L3MBTL4: variants seen among roughly 807,000 people sequenced by gnomAD.
The protein encoded by L3MBTL4 is L3MBTL histone methyl-lysine binding protein 4, also known as lethal(3)malignant brain tumor-like protein 4.
L3MBTL4 carries 70 observed loss-of-function variants against 84.5 expected under a neutral mutation model. The observed-to-expected ratio is 0.83, with a 90% CI of 0.68 to 1.01. L3MBTL4 has a LOEUF of 1.01. Among genes scored for constraint, L3MBTL4 ranks in the 50% least tolerant of loss-of-function variants. The pLI, the probability that L3MBTL4 is intolerant of heterozygous loss-of-function variation, is 0.00. For missense variants in L3MBTL4, 715 were observed against 754.8 expected, an observed-to-expected ratio of 0.95 and a Z score of 0.62; for synonymous variants, 274 against 259.8, an observed-to-expected ratio of 1.05 and a Z score of -0.52.
intron 1 of L3MBTL4, among the ~76,000 whole-genome samples, chr18:6,329,361 G>A (rs1007852310): frequency 1.3e-5 from 2 of 151,650 alleles, no homozygotes; most frequent in African/African-American, 4.8e-5. Flanking sequence ...CATCCTGTTA[G>A]CCAGGATGGT....
At chr18:5,973,180 C>T (rs541486805) in intron 16 of L3MBTL4, among the ~76,000 whole-genome samples, 20 of 152,296 alleles carry the variant, frequency 1.3e-4, no homozygotes, top group South Asian at 4.2e-4. Context: ...ATGTGAAATC[C>T]GGACTGAGAT....
chr18:6,401,718 C>A (rs975421709), intron 1 of L3MBTL4, among the ~76,000 whole-genome samples: 1 of 152,172 alleles, frequency 6.6e-6, no homozygotes, highest in Non-Finnish European at 1.5e-5. Flanking sequence ...ACCCACAAGG[C>A]GGCTCTAATA....
chr18:5,966,274 C>A (rs933698452), intron 17 of L3MBTL4, among the ~76,000 whole-genome samples: 2 of 152,164 alleles, frequency 1.3e-5, no homozygotes, highest in African/African-American at 4.8e-5. Flanking sequence ...CATAATGGCA[C>A]CCCTGAGAAG....
intron 15 of L3MBTL4, among the ~76,000 whole-genome samples, chr18:6,091,018 T>C (rs2058437525): frequency 6.6e-6 from 1 of 152,096 alleles, no homozygotes; most frequent in Non-Finnish European, 1.5e-5. Context: ...CAAGTAAAAG[T>C]TATTTCTGCT....
chr18:6,349,832 A>G (rs2143737147), intron 1 of L3MBTL4, among the ~76,000 whole-genome samples: 2 of 152,326 alleles, frequency 1.3e-5, no homozygotes, highest in Admixed American at 1.3e-4. Flanking sequence ...GGGAGCAGTC[A>G]CTGGAAGGAG....
intron 16 of L3MBTL4, among the ~76,000 whole-genome samples, chr18:6,055,485 C>T (rs946677967): frequency 1.3e-5 from 2 of 151,890 alleles, no homozygotes; most frequent in East Asian, 3.9e-4. Context: ...ATGTTAAAGG[C>T]ACAGATTGAT....
At chr18:6,383,553 G>A (rs1186964916) in intron 1 of L3MBTL4, among the ~76,000 whole-genome samples, 2 of 152,104 alleles carry the variant, frequency 1.3e-5, no homozygotes, top group African/African-American at 4.8e-5. Flanking sequence ...GCTTCCCTTG[G>A]GTAGAGGAGA....
At chr18:6,143,065 A>G (rs953732864) in intron 13 of L3MBTL4, among the ~76,000 whole-genome samples, 1 of 152,216 alleles carries the variant, frequency 6.6e-6, no homozygotes, top group Non-Finnish European at 1.5e-5. Flanking sequence ...CACAAATTAA[A>G]AAAACAAAAA....
At chr18:6,400,583 C>T (rs1000013928) in intron 1 of L3MBTL4, among the ~76,000 whole-genome samples, 1 of 152,156 alleles carries the variant, frequency 6.6e-6, no homozygotes, top group Non-Finnish European at 1.5e-5. Flanking sequence ...TTAATTTTTT[C>T]GTATTTTTAG....
intron 12 of L3MBTL4, among the ~76,000 whole-genome samples, chr18:6,173,608 C>A (rs912837262): frequency 1.3e-5 from 2 of 152,014 alleles, no homozygotes; most frequent in African/African-American, 4.8e-5. Context: ...GGTGAAACCT[C>A]ATCTCTACAA....
At chr18:6,009,780 G>A (rs1032587763) in intron 16 of L3MBTL4, among the ~76,000 whole-genome samples, 1 of 152,174 alleles carries the variant, frequency 6.6e-6, no homozygotes, top group African/African-American at 2.4e-5. Context: ...GGTTGAATCT[G>A]TGGTTGCAGG....
intron 14 of L3MBTL4, among the ~76,000 whole-genome samples, chr18:6,096,966 T>C (rs2143755508): frequency 6.6e-6 from 1 of 152,334 alleles, no homozygotes; most frequent in African/African-American, 2.4e-5. Context: ...GTCCTGGCTC[T>C]TTTGATTCAG....
At chr18:6,406,605 T>C (rs2055746382) in intron 1 of L3MBTL4, among the ~76,000 whole-genome samples, 1 of 152,108 alleles carries the variant, frequency 6.6e-6, no homozygotes, top group African/African-American at 2.4e-5. Flanking sequence ...TGTCTGGAGA[T>C]AGTTTTCGTT....
At chr18:6,390,080 C>T (rs187707461) in intron 1 of L3MBTL4, among the ~76,000 whole-genome samples, 1 of 152,180 alleles carries the variant, frequency 6.6e-6, no homozygotes, top group African/African-American at 2.4e-5. Flanking sequence ...TTTTTAAAAA[C>T]TGAAGTCATA....
intron 16 of L3MBTL4, among the ~76,000 whole-genome samples, chr18:6,000,398 A>C (rs1007801785): frequency 9.9e-5 from 15 of 152,212 alleles, no homozygotes; most frequent in African/African-American, 3.4e-4. Context: ...GGAGAAAAAT[A>C]AAACCATTAC....
intron 1 of L3MBTL4, among the ~76,000 whole-genome samples, chr18:6,313,148 G>T (rs143349115): frequency 1.2e-4 from 18 of 152,212 alleles, no homozygotes; most frequent in African/African-American, 3.9e-4. Flanking sequence ...TAACCATCCC[G>T]ATGACAAGGA....
At chr18:6,030,499 C>T in intron 16 of L3MBTL4, 1 of 929,118 alleles carries the variant, frequency 1.1e-6, no homozygotes, top group Non-Finnish European at 1.3e-6. Flanking sequence ...AATGAAGAGA[C>T]TCTTTTTTTT....
intron 13 of L3MBTL4, among the ~76,000 whole-genome samples, chr18:6,140,260 C>T (rs2060155836): frequency 6.6e-6 from 1 of 152,196 alleles, no homozygotes; most frequent in Non-Finnish European, 1.5e-5. Flanking sequence ...ACCCACTTCC[C>T]TTGTCTAACT....
At chr18:6,365,108 A>C (rs1376492139) in intron 1 of L3MBTL4, among the ~76,000 whole-genome samples, 1 of 152,174 alleles carries the variant, frequency 6.6e-6, no homozygotes, top group Non-Finnish European at 1.5e-5. Flanking sequence ...TAATCAATGC[A>C]ATCAAAATTA....
Sources: allele counts gnomAD v4.1 joint callset (sites outside exome capture counted in the v4.1 genomes callset), GRCh38; gene constraint gnomAD v4.1.1; transcripts MANE v1.5; gene names NCBI Gene and HGNC (gene_info 2026-07-23, HGNC 2026-07-21).